FBXL7: variants seen among roughly 807,000 people sequenced by gnomAD.
The protein encoded by FBXL7 is F-box/LRR-repeat protein 7.
A neutral mutation model predicts 38.3 loss-of-function variants in FBXL7; 12 were observed. The ratio of observed to expected loss-of-function variants is 0.31; its 90% CI spans 0.20 to 0.51. FBXL7 has a LOEUF of 0.51. FBXL7 is among the 20% of genes least tolerant of loss of function. The pLI, the probability that FBXL7 is intolerant of heterozygous loss-of-function variation, is 0.98. For synonymous variants in FBXL7, 297 were observed against 300.9 expected, an observed-to-expected ratio of 0.99 and a Z score of 0.13; for missense variants, 567 against 676.4, an observed-to-expected ratio of 0.84 and a Z score of 1.79.
At chr5:15,817,242 T>C (rs1330750453) in intron 2 of FBXL7, among the ~76,000 whole-genome samples, 1 of 152,170 alleles carries the variant, frequency 6.6e-6, no homozygotes, top group Non-Finnish European at 1.5e-5. Context: ...CAAATAGTCT[T>C]TTAAGGACAA....
chr5:15,734,941 A>AT (rs1200322139), intron 2 of FBXL7, among the ~76,000 whole-genome samples: 6 of 152,048 alleles, frequency 3.9e-5, no homozygotes, highest in Middle Eastern at 3.4e-3. Context: ...TTATTTATTT[A>AT]TTTTTTTGAG....
At position 15,768,098 on chromosome 5, in the gene FBXL7, T is replaced by G. The variant is rs547940331; in HGVS notation, c.127+152026T>G. 1.3e-3 allele frequency among the ~76,000 whole-genome samples: 198 copies of G among 152,320 alleles called. 1 individual carries two copies. The highest frequency in any genetic ancestry group is 0.01 in the Middle Eastern group (3 of 294). On this transcript the variant is annotated intron_variant, in intron 2 of 3. Coordinates refer to ENST00000504595, the MANE Select transcript of FBXL7 (RefSeq NM_012304.5). ...GTTTAGTGTCAGCAGCAGGAATGGT[T>G]GTTGTTTGTTTTTACACTGATGTAG...
At chr5:15,905,578 A>T (rs1741336749) in intron 2 of FBXL7, among the ~76,000 whole-genome samples, 1 of 151,854 alleles carries the variant, frequency 6.6e-6, no homozygotes, top group Non-Finnish European at 1.5e-5. Flanking sequence ...TAACAGAGAG[A>T]TATTTAAAAA....
rs1738832741 is a variant in FBXL7 at position 15,844,286 on chromosome 5, G to C, written c.128-83604G>C. ...TATTACCTCCACTGCTTACATCGGA[G>C]GTCTGCTTCCACTTAGCTGCTGAAG... On this transcript the variant is annotated intron_variant, in intron 2 of 3. Transcript: ENST00000504595. 2.0e-5 allele frequency among the ~76,000 whole-genome samples: 3 copies of C among 152,178 alleles called. No individual in the cohort carries two copies. The South Asian group carries it at 6.2e-4, about 32-fold the overall frequency.
intron 2 of FBXL7, among the ~76,000 whole-genome samples, chr5:15,822,964 A>G (rs1473746488): frequency 6.6e-6 from 1 of 152,134 alleles, no homozygotes; most frequent in East Asian, 1.9e-4. Context: ...GATGCTTATG[A>G]CCATACCACC....
At chr5:15,791,803 C>T (rs1030576044) in intron 2 of FBXL7, among the ~76,000 whole-genome samples, 1 of 152,068 alleles carries the variant, frequency 6.6e-6, no homozygotes, top group Admixed American at 6.6e-5. Flanking sequence ...GCTGGGCTGC[C>T]CGTTACTCAG....
At chr5:15,745,368 T>A (rs1344839618) in intron 2 of FBXL7, among the ~76,000 whole-genome samples, 1 of 152,240 alleles carries the variant, frequency 6.6e-6, no homozygotes, top group Non-Finnish European at 1.5e-5. Context: ...GTTTTGGATC[T>A]CTTCTCTGTT....
intron 2 of FBXL7, among the ~76,000 whole-genome samples, chr5:15,666,465 G>A (rs1220395652): frequency 6.6e-6 from 1 of 152,158 alleles, no homozygotes. Context: ...GTAAAGCCAT[G>A]CTAGCTATTA....
intron 1 of FBXL7, among the ~76,000 whole-genome samples, chr5:15,596,309 G>C (rs191895879): frequency 3.9e-5 from 6 of 152,266 alleles, no homozygotes; most frequent in African/African-American, 1.4e-4. Flanking sequence ...TATGTATAGA[G>C]TCTTTTTTGT....
At chr5:15,880,255 A>G (rs1221714464) in intron 2 of FBXL7, among the ~76,000 whole-genome samples, 2 of 150,336 alleles carry the variant, frequency 1.3e-5, no homozygotes, top group Admixed American at 6.7e-5. Context: ...AGTGTGTCTG[A>G]TGGGTCCAGG....
At chr5:15,921,898 A>G (rs908148435) in intron 2 of FBXL7, among the ~76,000 whole-genome samples, 1 of 152,154 alleles carries the variant, frequency 6.6e-6, no homozygotes, top group African/African-American at 2.4e-5. Flanking sequence ...GATTGTTGCA[A>G]CCATTATGGA....
At chr5:15,615,644 A>G (rs1740421056) in intron 1 of FBXL7, among the ~76,000 whole-genome samples, 1 of 152,206 alleles carries the variant, frequency 6.6e-6, no homozygotes, top group African/African-American at 2.4e-5. Flanking sequence ...TGCAAATAAA[A>G]AATTAATGCA....
intron 2 of FBXL7, among the ~76,000 whole-genome samples, chr5:15,733,341 T>A (rs1735663397): frequency 6.6e-6 from 1 of 151,840 alleles, no homozygotes; most frequent in Non-Finnish European, 1.5e-5. Context: ...TCCACCCGCC[T>A]CAGCCTCCCA....
chr5:15,903,176 G>A (rs1009445852), intron 2 of FBXL7, among the ~76,000 whole-genome samples: 1 of 152,184 alleles, frequency 6.6e-6, no homozygotes, highest in Non-Finnish European at 1.5e-5. Flanking sequence ...GTAGAGAATG[G>A]GACCCATCTA....
At chr5:15,685,911 G>T (rs1213013913) in intron 2 of FBXL7, among the ~76,000 whole-genome samples, 1 of 152,150 alleles carries the variant, frequency 6.6e-6, no homozygotes, top group Non-Finnish European at 1.5e-5. Flanking sequence ...CAAATCTGCA[G>T]TCACCAACCT....
chr5:15,661,413 G>A (rs371818488), intron 2 of FBXL7, among the ~76,000 whole-genome samples: 3 of 151,926 alleles, frequency 2.0e-5, no homozygotes, highest in East Asian at 3.9e-4. Context: ...CTTATGGTTA[G>A]CTAAAACTTC....
intron 2 of FBXL7, among the ~76,000 whole-genome samples, chr5:15,773,019 C>T (rs952501415): frequency 6.6e-6 from 1 of 151,992 alleles, no homozygotes; most frequent in African/African-American, 2.4e-5. Context: ...CTGAGCCTCC[C>T]GAGCAGCTAG....
intron 1 of FBXL7, among the ~76,000 whole-genome samples, chr5:15,606,051 G>C (rs1740000501): frequency 6.6e-6 from 1 of 152,112 alleles, no homozygotes; most frequent in South Asian, 2.1e-4. Context: ...ATTACAAAAA[G>C]AAGAGGCTGA....
intron 1 of FBXL7, among the ~76,000 whole-genome samples, chr5:15,580,227 G>A (rs1739092659): frequency 6.6e-6 from 1 of 152,136 alleles, no homozygotes; most frequent in Non-Finnish European, 1.5e-5. Flanking sequence ...CAGGAGGAGG[G>A]CTCTCACTAA....
Sources: gnomAD v4.1 joint callset for allele counts (sites outside exome capture counted in the v4.1 genomes callset) on GRCh38, gnomAD v4.1.1 for gene constraint, MANE v1.5 for transcripts, NCBI Gene and HGNC (gene_info 2026-07-23, HGNC 2026-07-21) for gene names.